The following AUH variants were observed in gnomAD, a reference collection of about 807,000 sequenced individuals.
AUH encodes AU RNA binding methylglutaconyl-CoA hydratase, also known as methylglutaconyl-CoA hydratase, mitochondrial.
A neutral mutation model predicts 42.3 loss-of-function variants in AUH; 29 were observed. The ratio of observed to expected loss-of-function variants is 0.69; its 90% CI spans 0.51 to 0.93. AUH has a LOEUF of 0.93. Among genes scored for constraint, AUH ranks in the 40% least tolerant of loss-of-function variants. The pLI, the probability that AUH is intolerant of heterozygous loss-of-function variation, is 0.00. For synonymous variants in AUH, 174 were observed against 166.4 expected (o/e 1.05, Z -0.35); for missense variants, 452 against 438.1 (o/e 1.03, Z -0.28).
At chr9:91,286,150 G>A (rs1452519561) in intron 6 of AUH, among the ~76,000 whole-genome samples, 1 of 152,144 alleles carries the variant, frequency 6.6e-6, no homozygotes, top group Non-Finnish European at 1.5e-5. Flanking sequence ...CTCAGATTCT[G>A]ACGGAACTTC....
At chr9:91,226,383 C>T (rs1165089863) in intron 6 of AUH, among the ~76,000 whole-genome samples, 1 of 147,202 alleles carries the variant, frequency 6.8e-6, no homozygotes, top group Non-Finnish European at 1.5e-5. Flanking sequence ...CCTTTGCCCA[C>T]TTTTTGATGG....
intron 6 of AUH, among the ~76,000 whole-genome samples, chr9:91,284,856 TTGG>T: frequency 6.6e-6 from 1 of 152,308 alleles, no homozygotes. Context: ...TTTTACACTG[TTGG>T]TGGGACTCTA....
rs756770155 is a variant in AUH at position 91,217,272 on chromosome 9, C to T, written c.894+5G>A. The T allele has an allele frequency of 1.9e-6, 3 of 1,613,078 alleles. No homozygotes were observed. The East Asian group carries it at 6.7e-5, about 36-fold the overall frequency. ...CAAAACAAACTCAAGCATTAAGGAA[C>T]CTACCTCCATCCCTTGATTAATTGC... is the stretch of plus-strand genomic sequence containing the variant. On this transcript the variant is annotated splice_donor_5th_base_variant and intron_variant, in intron 8 of 9. Transcript: ENST00000375731.
At chr9:91,326,842 T>C (rs987651131) in intron 3 of AUH, among the ~76,000 whole-genome samples, 5 of 152,234 alleles carry the variant, frequency 3.3e-5, no homozygotes, top group African/African-American at 1.2e-4. Flanking sequence ...AGAATTAATA[T>C]GTAACAAAGA....
intron 6 of AUH, among the ~76,000 whole-genome samples, chr9:91,226,000 G>A (rs867130028): frequency 0.027 from 3,884 of 146,450 alleles, 177 homozygotes; most frequent in African/African-American, 0.094. Context: ...GAATAATGCC[G>A]CAATAAACAT....
intron 4 of AUH, among the ~76,000 whole-genome samples, chr9:91,309,919 C>T (rs562902225): frequency 6.6e-6 from 1 of 150,798 alleles, no homozygotes; most frequent in East Asian, 1.9e-4. Context: ...TATCATAATG[C>T]CTCACAGTCC....
intron 4 of AUH, among the ~76,000 whole-genome samples, chr9:91,315,395 G>A (rs1301266374): frequency 6.6e-6 from 1 of 152,128 alleles, no homozygotes; most frequent in African/African-American, 2.4e-5. Context: ...TCCTCCTGCA[G>A]CTTATTGACT....
chr9:91,312,677 G>A (rs1828795755), intron 4 of AUH, among the ~76,000 whole-genome samples: 1 of 152,220 alleles, frequency 6.6e-6, no homozygotes, highest in Non-Finnish European at 1.5e-5. Context: ...AGTGAGCCGA[G>A]ATCGTGCCAC....
intron 6 of AUH, among the ~76,000 whole-genome samples, chr9:91,257,364 G>A (rs1829460253): frequency 6.6e-6 from 1 of 151,584 alleles, no homozygotes; most frequent in African/African-American, 2.4e-5. Flanking sequence ...TCAGGGAGCG[G>A]TGGCACCAAC....
intron 4 of AUH, among the ~76,000 whole-genome samples, chr9:91,299,541 G>A (rs900912589): frequency 2.0e-5 from 3 of 151,948 alleles, no homozygotes; most frequent in Non-Finnish European, 4.4e-5. Context: ...GGGGTGGGGA[G>A]GGACTTGAAA....
chr9:91,284,012 C>G (rs1826196022), intron 6 of AUH, among the ~76,000 whole-genome samples: 1 of 151,362 alleles, frequency 6.6e-6, no homozygotes, highest in Non-Finnish European at 1.5e-5. Flanking sequence ...CAAGACAATC[C>G]TAAGCCAAAA....
intron 6 of AUH, among the ~76,000 whole-genome samples, chr9:91,245,665 T>C (rs555394916): frequency 2.0e-5 from 3 of 152,202 alleles, no homozygotes; most frequent in African/African-American, 7.2e-5. Context: ...AGCAAACGGG[T>C]GCCAAGTGAC....
At chr9:91,315,132 T>G (rs927100789) in intron 4 of AUH, among the ~76,000 whole-genome samples, 2 of 152,144 alleles carry the variant, frequency 1.3e-5, no homozygotes, top group Non-Finnish European at 2.9e-5. Context: ...AGAGACAGGG[T>G]TTCACCACGT....
At chr9:91,297,334 C>G (rs1342844132) in intron 5 of AUH, among the ~76,000 whole-genome samples, 1 of 152,166 alleles carries the variant, frequency 6.6e-6, no homozygotes, top group Non-Finnish European at 1.5e-5. Context: ...ACACAGTAAG[C>G]AGTGGGCACT....
At position 91,281,151 on chromosome 9, in the gene AUH, G is replaced by A. The variant is rs1220599362; in HGVS notation, c.655+14870C>T. Reference sequence around the variant, plus strand: ...CTTCTGGAACACTTGAGACACAAATGTTTAACCTTTCAGTATTATCCCACA... The same window carrying A: ...CTTCTGGAACACTTGAGACACAAATATTTAACCTTTCAGTATTATCCCACA... On this transcript the variant is annotated intron_variant, in intron 6 of 9. Coordinates refer to ENST00000375731, the MANE Select transcript of AUH (RefSeq NM_001698.3). 2.0e-5 allele frequency among the ~76,000 whole-genome samples: 3 copies of A among 152,030 alleles called. No individual in the cohort carries two copies. In the East Asian group the frequency reaches 5.8e-4, roughly 29 times the overall value.
chr9:91,256,774 A>G (rs1329626282), intron 6 of AUH, among the ~76,000 whole-genome samples: 1 of 152,040 alleles, frequency 6.6e-6, no homozygotes, highest in African/African-American at 2.4e-5. Flanking sequence ...GGCAACCTGC[A>G]TACCTACTCT....
chr9:91,325,675 G>C (rs888059567), intron 3 of AUH, among the ~76,000 whole-genome samples: 8 of 152,110 alleles, frequency 5.3e-5, no homozygotes, highest in Admixed American at 4.6e-4. Flanking sequence ...AGACACTATA[G>C]TTGGCATCTA....
intron 6 of AUH, among the ~76,000 whole-genome samples, chr9:91,241,179 T>A (rs577564514): frequency 2.6e-5 from 4 of 152,280 alleles, no homozygotes; most frequent in Non-Finnish European, 5.9e-5. Context: ...CCCAGGTACA[T>A]GGAAACTGTC....
At chr9:91,227,871 A>G (rs898795166) in intron 6 of AUH, among the ~76,000 whole-genome samples, 10 of 151,562 alleles carry the variant, frequency 6.6e-5, no homozygotes, top group East Asian at 1.9e-4. Context: ...ATTTGCGTAT[A>G]TTGAACCAGC....
Sources: gnomAD v4.1 joint callset for allele counts (sites outside exome capture counted in the v4.1 genomes callset) on GRCh38, gnomAD v4.1.1 for gene constraint, MANE v1.5 for transcripts, NCBI Gene and HGNC (gene_info 2026-07-23, HGNC 2026-07-21) for gene names.